The following SLC25A21 variants were observed in gnomAD, a reference collection of about 807,000 sequenced individuals.
SLC25A21 encodes mitochondrial 2-oxodicarboxylate carrier.
A neutral mutation model predicts 43.8 loss-of-function variants in SLC25A21; 47 were observed. The observed-to-expected ratio is 1.07, with a 90% CI of 0.85 to 1.37. The LOEUF (loss-of-function observed/expected upper bound fraction) is 1.37, where lower values mean the gene tolerates loss of function less well. Among genes scored for constraint, SLC25A21 ranks in the 40% most tolerant of loss-of-function variants. The pLI, the probability that SLC25A21 is intolerant of heterozygous loss-of-function variation, is 0.00. For missense variants in SLC25A21, 352 were observed against 350.2 expected, an observed-to-expected ratio of 1.00 and a Z score of -0.04; for synonymous variants, 131 against 121.3, an observed-to-expected ratio of 1.08 and a Z score of -0.52.
chr14:36,915,549 T>C (rs899609457), intron 1 of SLC25A21, among the ~76,000 whole-genome samples: 1 of 152,252 alleles, frequency 6.6e-6, no homozygotes, highest in African/African-American at 2.4e-5. Context: ...AAGAACCATA[T>C]GGTCATCTGC....
At chr14:36,690,803 G>C (rs1882764354) in intron 7 of SLC25A21, among the ~76,000 whole-genome samples, 1 of 152,166 alleles carries the variant, frequency 6.6e-6, no homozygotes, top group African/African-American at 2.4e-5. Flanking sequence ...GCCTCTTAAA[G>C]CTTGGCCAGT....
intron 1 of SLC25A21, among the ~76,000 whole-genome samples, chr14:36,961,879 C>G (rs1959500878): frequency 6.6e-6 from 1 of 152,284 alleles, no homozygotes; most frequent in Admixed American, 6.5e-5. Flanking sequence ...ATCTCCAGGA[C>G]AGATGAGTCC....
intron 1 of SLC25A21, among the ~76,000 whole-genome samples, chr14:37,129,695 C>T (rs1206521709): frequency 1.3e-5 from 2 of 151,148 alleles, no homozygotes; most frequent in Admixed American, 6.6e-5. Flanking sequence ...AAAAAGTCCA[C>T]CCAGGAGGCA....
intron 3 of SLC25A21, chr14:36,788,664 C>G (rs2138393798): frequency 6.6e-6 from 1 of 151,554 alleles, no homozygotes; most frequent in East Asian, 1.9e-4. Flanking sequence ...TCACAACCAG[C>G]TAAGGCATGT....
intron 1 of SLC25A21, among the ~76,000 whole-genome samples, chr14:37,154,515 A>G (rs559902412): frequency 5.9e-5 from 9 of 152,364 alleles, no homozygotes. Flanking sequence ...TTCTCCAGTA[A>G]CAGTTCTTAA....
chr14:36,690,808 G>C (rs993312196), intron 7 of SLC25A21, among the ~76,000 whole-genome samples: 2 of 152,164 alleles, frequency 1.3e-5, no homozygotes, highest in African/African-American at 4.8e-5. Flanking sequence ...TTAAAGCTTG[G>C]CCAGTCGTTG....
At chr14:36,754,635 T>C (rs777304208) in intron 3 of SLC25A21, among the ~76,000 whole-genome samples, 39 of 152,118 alleles carry the variant, frequency 2.6e-4, no homozygotes, top group Non-Finnish European at 5.4e-4. Flanking sequence ...GTCTGTCCCC[T>C]GTGCCATATC....
chr14:37,012,286 C>T (rs1337130878), intron 1 of SLC25A21, among the ~76,000 whole-genome samples: 1 of 152,162 alleles, frequency 6.6e-6, no homozygotes, highest in African/African-American at 2.4e-5. Context: ...TTTAAAACCA[C>T]TGCTATCAAA....
chr14:36,874,031 C>A (rs544911018), intron 2 of SLC25A21, among the ~76,000 whole-genome samples: 1 of 152,206 alleles, frequency 6.6e-6, no homozygotes, highest in South Asian at 2.1e-4. Flanking sequence ...ATCTTCCCTA[C>A]CTCTATTAGA....
intron 1 of SLC25A21, among the ~76,000 whole-genome samples, chr14:37,031,387 A>C (rs529980296): frequency 1.3e-5 from 2 of 152,264 alleles, no homozygotes; most frequent in South Asian, 4.1e-4. Context: ...ACTTCAAGTT[A>C]TTTTCTTAAA....
At chr14:37,009,986 C>A (rs1053637203) in intron 1 of SLC25A21, among the ~76,000 whole-genome samples, 1 of 152,152 alleles carries the variant, frequency 6.6e-6, no homozygotes, top group African/African-American at 2.4e-5. Flanking sequence ...AGTGTGTGAA[C>A]AGAATGGTGG....
chr14:37,021,117 T>C (rs1162154859), intron 1 of SLC25A21, among the ~76,000 whole-genome samples: 5 of 151,942 alleles, frequency 3.3e-5, no homozygotes, highest in African/African-American at 1.2e-4. Context: ...TCAAAGCCAG[T>C]GTTATAGTTT....
chr14:36,865,752 C>T (rs1039616824), intron 2 of SLC25A21, among the ~76,000 whole-genome samples: 2 of 152,158 alleles, frequency 1.3e-5, no homozygotes, highest in African/African-American at 4.8e-5. Context: ...TGGGACCCAC[C>T]TCTAGAGTTT....
intron 2 of SLC25A21, among the ~76,000 whole-genome samples, chr14:36,862,302 A>T (rs1160997123): frequency 6.6e-6 from 1 of 152,210 alleles, no homozygotes; most frequent in Non-Finnish European, 1.5e-5. Flanking sequence ...ATAAAGACAC[A>T]TGCACATGTA....
chr14:37,005,685 TAC>T (rs149353792), intron 1 of SLC25A21, among the ~76,000 whole-genome samples: 15 of 150,172 alleles, frequency 1.0e-4, no homozygotes, highest in Admixed American at 1.3e-4. Flanking sequence ...CATGTGTAGA[TAC>T]ACACACACAC....
chr14:36,684,628 T>C (rs1484952311), intron 8 of SLC25A21, 116 bp downstream of exon 8: 5 of 923,316 alleles, frequency 5.4e-6, no homozygotes, highest in Admixed American at 5.4e-5. Context: ...CGCAGTTTCT[T>C]AGACACAAGC....
At chr14:36,727,961 A>T (rs369413160) in intron 5 of SLC25A21, among the ~76,000 whole-genome samples, 4 of 152,154 alleles carry the variant, frequency 2.6e-5, no homozygotes, top group African/African-American at 9.7e-5. Context: ...ACTCTATGCA[A>T]TCTTCCAAGT....
At chr14:37,141,001 C>T (rs777781934) in intron 1 of SLC25A21, among the ~76,000 whole-genome samples, 14 of 152,120 alleles carry the variant, frequency 9.2e-5, no homozygotes, top group Non-Finnish European at 1.8e-4. Flanking sequence ...CAAAAATTAG[C>T]CAGGCGTGGT....
chr14:37,005,178 G>A (rs1960573147), intron 1 of SLC25A21, among the ~76,000 whole-genome samples: 1 of 149,884 alleles, frequency 6.7e-6, no homozygotes, highest in African/African-American at 2.4e-5. Context: ...TACCACAAGT[G>A]CACAAGAGCG....
Sources: gnomAD v4.1 joint callset for allele counts (sites outside exome capture counted in the v4.1 genomes callset) on GRCh38, gnomAD v4.1.1 for gene constraint, MANE v1.5 for transcripts, NCBI Gene and HGNC (gene_info 2026-07-23, HGNC 2026-07-21) for gene names.